The following EYA2 variants were observed in gnomAD, a reference collection of about 807,000 sequenced individuals.
EYA2 encodes protein phosphatase EYA2.
Under a neutral mutation model 69.2 loss-of-function variants are expected in EYA2, and 31 were observed. The observed-to-expected ratio is 0.45, with a 90% CI of 0.34 to 0.60. The LOEUF is 0.60. Among genes scored for constraint, EYA2 ranks in the 20% least tolerant of loss-of-function variants. The pLI is 0.02. For missense variants in EYA2, 622 were observed against 701.2 expected (o/e 0.89, Z 1.28); for synonymous variants, 257 against 279.4 (o/e 0.92, Z 0.80).
At chr20:47,167,878 C>T (rs1026427191) in intron 10 of EYA2, among the ~76,000 whole-genome samples, 2 of 152,184 alleles carry the variant, frequency 1.3e-5, no homozygotes, top group East Asian at 1.9e-4. Context: ...GTTCGTTATT[C>T]GGCCCAGCAC....
intron 5 of EYA2, among the ~76,000 whole-genome samples, chr20:47,051,836 C>A (rs1009406454): frequency 1.3e-5 from 2 of 152,170 alleles, no homozygotes; most frequent in African/African-American, 4.8e-5. Context: ...GAGTCACCGA[C>A]CTTGCTCTGT....
intron 5 of EYA2, among the ~76,000 whole-genome samples, chr20:47,039,679 C>T (rs781316674): frequency 5.3e-5 from 8 of 152,052 alleles, no homozygotes; most frequent in Admixed American, 1.3e-4. Flanking sequence ...ATTCCTGAGG[C>T]GGGGCATCTT....
intron 9 of EYA2, among the ~76,000 whole-genome samples, chr20:47,099,393 T>C (rs374012167): frequency 1.1e-4 from 17 of 152,276 alleles, no homozygotes; most frequent in East Asian, 9.6e-4. Context: ...TAGCCTGGTG[T>C]GATAGTGTGT....
intron 7 of EYA2, among the ~76,000 whole-genome samples, chr20:47,083,335 G>A (rs777646353): frequency 1.3e-5 from 2 of 152,202 alleles, no homozygotes; most frequent in African/African-American, 2.4e-5. Flanking sequence ...CCAGCATTTT[G>A]GGAGTCCAAG....
At chr20:47,138,084 A>G (rs950472962) in intron 9 of EYA2, among the ~76,000 whole-genome samples, 3 of 151,950 alleles carry the variant, frequency 2.0e-5, no homozygotes, top group Non-Finnish European at 2.9e-5. Context: ...GCACATGTAT[A>G]CATATGTAAC....
Position 47,169,122 on chromosome 20 carries a change from T to C in EYA2, c.979-17T>C. ...CATGTTCTCTCTCTCTCTCTCTCTCTGTCAAATTTTCCATAGGATTGTGAC... is the reference window on the plus strand; with the variant it reads ...CATGTTCTCTCTCTCTCTCTCTCTCCGTCAAATTTTCCATAGGATTGTGAC... On this transcript the variant is annotated splice_polypyrimidine_tract_variant and intron_variant, in intron 10 of 15. Coordinates refer to ENST00000327619, the MANE Select transcript of EYA2 (RefSeq NM_005244.5). 6.2e-7 allele frequency: 1 copy of C among 1,611,356 alleles called. No homozygotes were observed. Among genetic ancestry groups the C allele is most frequent in the Non-Finnish European group, 8.5e-7 (1 of 1,178,366 alleles).
At position 46,990,064 on chromosome 20, in the gene EYA2, T is replaced by C. The variant is rs769958687; in HGVS notation, c.54T>C (p.Asp18=). The change falls in exon 2 of 16, where the codon GAT becomes GAC. Residue 18 remains aspartate, a synonymous_variant. Transcript: ENST00000327619. Reference sequence around the variant, plus strand: ...TCACTGTAAACAGCGATTGTCTGGATAAACTGAAGTTTAACCGTGCTGACG... The same window carrying C: ...TCACTGTAAACAGCGATTGTCTGGACAAACTGAAGTTTAACCGTGCTGACG... The part of the protein sequence containing the change: ...PSLTVNSDCL[D]KLKFNRADAA... The C allele has an allele frequency of 3.7e-6, 6 of 1,613,102 alleles. No individual in the cohort carries two copies. In the African/African-American group the frequency reaches 8.0e-5, roughly 22 times the overall value.
intron 9 of EYA2, among the ~76,000 whole-genome samples, chr20:47,098,434 C>T (rs1294239672): frequency 1.3e-5 from 2 of 152,248 alleles, no homozygotes; most frequent in Admixed American, 6.5e-5. Flanking sequence ...GGCACTCACT[C>T]ATCTTGCCCT....
chr20:46,990,109 T>A lies in EYA2; in HGVS notation c.99T>A (p.Ser33Arg). The A allele has an allele frequency of 6.2e-7, 1 of 1,601,316 alleles. No homozygotes were observed. The highest frequency in any genetic ancestry group is 1.3e-5 in the African/African-American group (1 of 74,818). Reference sequence around the variant, plus strand: ...CTGACGCTGCTGTGTGGACTCTGAGTGACAGACAAGGTAGGCTTCCTGCTG... The same window carrying A: ...CTGACGCTGCTGTGTGGACTCTGAGAGACAGACAAGGTAGGCTTCCTGCTG... The part of the protein sequence containing the change: ...NRADAAVWTL[S>R]DRQGITKSAP... The change falls in exon 2 of 16, where the codon AGT becomes AGA. Residue 33 changes from serine to arginine, a missense_variant. Transcript: ENST00000327619.
chr20:46,975,941 T>C (rs1378149311), intron 1 of EYA2, among the ~76,000 whole-genome samples: 1 of 152,244 alleles, frequency 6.6e-6, no homozygotes, highest in South Asian at 2.1e-4. Flanking sequence ...TGAGAGAATT[T>C]AGTCTGGAAT....
chr20:47,129,679 G>A (rs2033286406), intron 9 of EYA2, among the ~76,000 whole-genome samples: 1 of 152,160 alleles, frequency 6.6e-6, no homozygotes, highest in African/African-American at 2.4e-5. Context: ...GGACAAGGGA[G>A]GCTAGCTGCC....
At chr20:47,130,512 G>A (rs1172767449) in intron 9 of EYA2, among the ~76,000 whole-genome samples, 7 of 151,788 alleles carry the variant, frequency 4.6e-5, no homozygotes, top group Non-Finnish European at 8.8e-5. Flanking sequence ...TGATCCACCC[G>A]CCTCGGCCTC....
rs6018310 is a variant in EYA2, at chr20:47,163,283, G to A, written c.979-5856G>A. On this transcript the variant is annotated intron_variant, in intron 10 of 15. Transcript: ENST00000327619. Reference sequence around the variant, plus strand: ...TGACCTCAAGCTATCTGCCCACCTTGGCCTCCCAAAGTGCTGGGATTACAG... The same window carrying A: ...TGACCTCAAGCTATCTGCCCACCTTAGCCTCCCAAAGTGCTGGGATTACAG... Among the ~76,000 whole-genome samples, 1,151 of 152,098 alleles carry A rather than the reference G, an allele frequency of 7.6e-3. 19 individuals are homozygous for A. Among genetic ancestry groups the A allele is most frequent in the African/African-American group, 0.026 (1,083 of 41,470 alleles).
intron 5 of EYA2, among the ~76,000 whole-genome samples, chr20:47,021,099 C>A (rs141396323): frequency 1.3e-5 from 2 of 152,110 alleles, no homozygotes; most frequent in African/African-American, 4.8e-5. Flanking sequence ...GTGTTTAGAG[C>A]GCACCTGGCA....
At chr20:47,041,342 G>T (rs887480594) in intron 5 of EYA2, among the ~76,000 whole-genome samples, 8 of 152,210 alleles carry the variant, frequency 5.3e-5, no homozygotes, top group Admixed American at 4.6e-4. Context: ...AGAGGTAGCA[G>T]TTAAGTCTGC....
intron 1 of EYA2, among the ~76,000 whole-genome samples, chr20:46,906,857 GAATT>G (rs1272667016): frequency 2.0e-5 from 3 of 152,238 alleles, no homozygotes; most frequent in Non-Finnish European, 2.9e-5. Flanking sequence ...CTTGCACAAT[GAATT>G]AATTAAGGAC....
At chr20:47,139,360 C>T (rs941002983) in intron 9 of EYA2, among the ~76,000 whole-genome samples, 1 of 152,200 alleles carries the variant, frequency 6.6e-6, no homozygotes, top group African/African-American at 2.4e-5. Flanking sequence ...GACTGCCCAC[C>T]ACCCTTTTTT....
intron 9 of EYA2, among the ~76,000 whole-genome samples, chr20:47,123,829 TA>T (rs971790152): frequency 2.6e-5 from 4 of 152,072 alleles, no homozygotes; most frequent in African/African-American, 9.6e-5. Context: ...CCGTCTCTAC[TA>T]AAAATACAAA....
At chr20:47,182,625 G>A (rs1248153714) in intron 14 of EYA2, among the ~76,000 whole-genome samples, 1 of 31,650 alleles carries the variant, frequency 3.2e-5, no homozygotes, top group Non-Finnish European at 5.4e-5. Context: ...ACGAGACTCC[G>A]TCTAAAAAAA....
Sources: gnomAD v4.1 joint callset for allele counts (sites outside exome capture counted in the v4.1 genomes callset) on GRCh38, gnomAD v4.1.1 for gene constraint, MANE v1.5 for transcripts, NCBI Gene and HGNC (gene_info 2026-07-23, HGNC 2026-07-21) for gene names.